The following MYT1L variants were observed in gnomAD, a reference collection of about 807,000 sequenced individuals.
The protein encoded by MYT1L is myelin transcription factor 1 like, also known as myelin transcription factor 1-like protein.
A neutral mutation model predicts 126.7 loss-of-function variants in MYT1L; 12 were observed. That is an observed-to-expected ratio of 0.09 (90% CI 0.06 to 0.15). The LOEUF is 0.15. Among genes scored for constraint, MYT1L ranks in the 10% least tolerant of loss-of-function variants. The probability of loss-of-function intolerance (pLI) is 1.00; values close to 1 mark genes in which losing one functional copy is unlikely to be tolerated. For missense variants in MYT1L, 979 were observed against 1,585.2 expected (o/e 0.62, Z 6.49); for synonymous variants, 541 against 604.2 (o/e 0.90, Z 1.53).
intron 20 of MYT1L, among the ~76,000 whole-genome samples, chr2:1,840,001 G>A (rs913852830): frequency 2.0e-5 from 3 of 152,210 alleles, no homozygotes; most frequent in Non-Finnish European, 4.4e-5. Flanking sequence ...CAGCAAAGGC[G>A]CCTGAAGGAG....
chr2:2,260,245 C>T (rs2094928246), intron 2 of MYT1L, among the ~76,000 whole-genome samples: 3 of 152,158 alleles, frequency 2.0e-5, no homozygotes, highest in Admixed American at 2.0e-4. Flanking sequence ...CTCCGTGACC[C>T]CATCTGTGAA....
At chr2:1,905,953 C>CTT (rs1187618693) in intron 13 of MYT1L, among the ~76,000 whole-genome samples, 1 of 152,112 alleles carries the variant, frequency 6.6e-6, no homozygotes, top group Non-Finnish European at 1.5e-5. Context: ...CTCTTGAGTC[C>CTT]TTGCTCTCTT....
intron 3 of MYT1L, among the ~76,000 whole-genome samples, chr2:2,074,010 T>C (rs1248147740): frequency 6.6e-6 from 1 of 152,324 alleles, no homozygotes; most frequent in East Asian, 1.9e-4. Flanking sequence ...GGTCATTTTA[T>C]ATTCTCCATG....
At chr2:2,289,820 C>T (rs1454644888) in intron 1 of MYT1L, among the ~76,000 whole-genome samples, 2 of 152,122 alleles carry the variant, frequency 1.3e-5, no homozygotes, top group Non-Finnish European at 2.9e-5. Context: ...GATGTGGATC[C>T]AATTAATAGC....
At chr2:2,218,936 T>C (rs186501810) in intron 2 of MYT1L, among the ~76,000 whole-genome samples, 1 of 152,288 alleles carries the variant, frequency 6.6e-6, no homozygotes, top group Admixed American at 6.5e-5. Context: ...CAAATAACTT[T>C]TGAGACCAAA....
At chr2:1,797,316 T>C (rs527940218) in intron 23 of MYT1L, among the ~76,000 whole-genome samples, 22 of 152,258 alleles carry the variant, frequency 1.4e-4, no homozygotes, top group South Asian at 8.3e-4. Flanking sequence ...CTCCACCTCC[T>C]GGGTTCACGC....
At chr2:1,998,682 T>C (rs1221268754) in intron 4 of MYT1L, among the ~76,000 whole-genome samples, 1 of 152,208 alleles carries the variant, frequency 6.6e-6, no homozygotes, top group African/African-American at 2.4e-5. Context: ...ACCAGATTGA[T>C]CTTTTTTCTC....
intron 9 of MYT1L, among the ~76,000 whole-genome samples, chr2:1,942,300 C>T (rs1457370688): frequency 6.6e-6 from 1 of 152,200 alleles, no homozygotes; most frequent in East Asian, 1.9e-4. Context: ...ACATGAAAGC[C>T]ATGTCACCGT....
chr2:2,322,787 T>C (rs2149706713), intron 1 of MYT1L, among the ~76,000 whole-genome samples: 1 of 152,286 alleles, frequency 6.6e-6, no homozygotes, highest in East Asian at 1.9e-4. Context: ...ATTAATCATA[T>C]AAAGCTTGGT....
At chr2:2,305,754 G>A (rs984419929) in intron 1 of MYT1L, among the ~76,000 whole-genome samples, 3 of 152,188 alleles carry the variant, frequency 2.0e-5, no homozygotes, top group African/African-American at 7.2e-5. Flanking sequence ...CGTGGTGGAA[G>A]GGGAGAAAGA....
At chr2:2,185,786 G>GCCGGGCCTT (rs535353087) in intron 2 of MYT1L, among the ~76,000 whole-genome samples, 4 of 133,012 alleles carry the variant, frequency 3.0e-5, no homozygotes, top group Admixed American at 7.3e-5. Context: ...GGGGGACGCA[G>GCCGGGCCTT]CCGGGCCTTC....
At chr2:2,315,995 T>C (rs1244695846) in intron 1 of MYT1L, among the ~76,000 whole-genome samples, 1 of 152,156 alleles carries the variant, frequency 6.6e-6, no homozygotes, top group East Asian at 1.9e-4. Context: ...ATGTAGAAAT[T>C]TGCACTTTTG....
At chr2:2,316,528 C>A (rs2096066998) in intron 1 of MYT1L, among the ~76,000 whole-genome samples, 1 of 152,224 alleles carries the variant, frequency 6.6e-6, no homozygotes, top group South Asian at 2.1e-4. Context: ...TGGCATATAT[C>A]TCCCTGGCCT....
At chr2:2,041,999 TAG>T (rs1380491184) in intron 4 of MYT1L, among the ~76,000 whole-genome samples, 3 of 152,090 alleles carry the variant, frequency 2.0e-5, no homozygotes, top group African/African-American at 7.2e-5. Context: ...ATCTTAGAAG[TAG>T]AGTTTTGTTT....
chr2:1,922,216 G>A lies in MYT1L; in HGVS notation c.1483+70C>T. The A allele has an allele frequency of 1.9e-6, 3 of 1,555,800 alleles. No homozygotes were observed. In the South Asian group the frequency reaches 3.7e-5, roughly 19 times the overall value. ...CAGTGTGAGTCACACTTTAACTGTA[G>A]ACTACCACCAACATCCTTTACCCTA... On this transcript the variant is annotated intron_variant, in intron 10 of 24. Transcript: ENST00000647738. The surrounding 1 kb of genome is among the most constrained non-coding windows in gnomAD (Gnocchi z 7.4).
In MYT1L at chr2:2,257,539, C is replaced by T. The variant is rs573214409; in HGVS notation, c.-421+26865G>A. On this transcript the variant is annotated intron_variant, in intron 2 of 24. Coordinates refer to ENST00000647738, the MANE Select transcript of MYT1L (RefSeq NM_001303052.2). ...GGAAAAGTAAGTCCTGGAGCTCTAA[C>T]GCACAGCATGGTGACTATGGTAAAT... Among the ~76,000 whole-genome samples, 26 of 152,268 alleles carry T rather than the reference C, an allele frequency of 1.7e-4. No individual in the cohort carries two copies. The South Asian group carries it at 4.8e-3, about 28-fold the overall frequency.
chr2:2,308,771 C>A (rs745584355), intron 1 of MYT1L, among the ~76,000 whole-genome samples: 13 of 151,916 alleles, frequency 8.6e-5, no homozygotes, highest in Non-Finnish European at 1.8e-4. Context: ...TCTACCCATA[C>A]CTTCAGTACA....
chr2:1,867,611 G>A (rs866236023), intron 18 of MYT1L, among the ~76,000 whole-genome samples: 4 of 152,170 alleles, frequency 2.6e-5, no homozygotes, highest in South Asian at 2.1e-4. Flanking sequence ...TGGCAGCCAC[G>A]TCCACAGGTT....
intron 3 of MYT1L, among the ~76,000 whole-genome samples, chr2:2,065,653 A>T (rs1339831185): frequency 1.3e-5 from 2 of 152,154 alleles, no homozygotes; most frequent in African/African-American, 4.8e-5. Flanking sequence ...GCTTCCTTGC[A>T]ATGAGTTCGC....
Sources: gnomAD v4.1 joint callset for allele counts (sites outside exome capture counted in the v4.1 genomes callset) on GRCh38, gnomAD v4.1.1 for gene constraint, Gnocchi (gnomAD v3.1) non-coding constraint, MANE v1.5 for transcripts, NCBI Gene and HGNC (gene_info 2026-07-23, HGNC 2026-07-21) for gene names.